KMT2D: variants seen among roughly 807,000 people sequenced by gnomAD.
The protein encoded by KMT2D is histone-lysine N-methyltransferase 2D.
KMT2D carries 55 observed loss-of-function variants against 512.7 expected under a neutral mutation model. The ratio of observed to expected loss-of-function variants is 0.11; its 90% CI spans 0.09 to 0.13. The LOEUF (loss-of-function observed/expected upper bound fraction) is 0.13, where lower values mean the gene tolerates loss of function less well. Ranked by LOEUF, KMT2D falls within the 10% of genes least tolerant of loss-of-function variation. The pLI is 1.00. For missense variants in KMT2D, 6,061 were observed against 7,127.9 expected, an observed-to-expected ratio of 0.85 and a Z score of 5.39; for synonymous variants, 2,995 against 2,904.0, an observed-to-expected ratio of 1.03 and a Z score of -1.01.
intron 1 of KMT2D, among the ~76,000 whole-genome samples, chr12:49,058,376 T>TA (rs1289398998): frequency 6.6e-6 from 1 of 152,180 alleles, no homozygotes; most frequent in Non-Finnish European, 1.5e-5. Flanking sequence ...CAGAAATCTT[T>TA]AAAAGGCAAA....
At position 49,039,703 on chromosome 12, in the gene KMT2D, A is replaced by G; in HGVS notation, c.8046+21T>C. On this transcript the variant is annotated intron_variant, in intron 32 of 54. Coordinates refer to ENST00000301067, the MANE Select transcript of KMT2D (RefSeq NM_003482.4). The surrounding 1 kb of genome is among the most constrained non-coding windows in gnomAD (Gnocchi z 5.0). ...GAGACAGGAGCGATATAGGGGGCTT[A>G]GCTCCAGGGTGTCAACTTACCTGCC... The G allele has an allele frequency of 6.2e-7, 1 of 1,608,750 alleles. No homozygotes were observed.
Position 49,051,034 on chromosome 12 carries a change from G to T in KMT2D, c.2649C>A (p.Phe883Leu), listed in dbSNP as rs764325178. The T allele has an allele frequency of 6.4e-7, 1 of 1,551,990 alleles. No homozygotes were observed. Among genetic ancestry groups the T allele is most frequent in the Non-Finnish European group, 8.7e-7 (1 of 1,151,588 alleles). ...ATAAGGATGGTTCCCCAGGGGGAGG[G>T]AACAAGGGCAGCTCCTCAGGTGCAG... is the stretch of plus-strand genomic sequence containing the variant. ...QCPAPEELPL[F>L]PPPGEPSLSP... Residue 883 changes from phenylalanine (F) to leucine (L), a missense_variant, in exon 11 of 55, where the codon TTC becomes TTA. Phe to Leu is a conservative substitution (Grantham distance 22, BLOSUM62 0). Transcript: ENST00000301067.
Position 49,026,506 on chromosome 12 carries a change from G to T in KMT2D, c.15460C>A (p.Arg5154=), listed in dbSNP as rs768551828. The stretch of plus-strand genomic sequence containing the variant: ...ACCTCGTCCCGCTCAATGTAGACCC[G>T]CCGGAAGACAGCAAAAGAGCTCAGC... The part of the protein sequence containing the change: ...QELSSFAVFR[R]VYIERDEVKQ... Residue 5154 remains arginine (R), a synonymous_variant, in exon 49 of 55, where the codon CGG becomes AGG. Coordinates refer to ENST00000301067, the MANE Select transcript of KMT2D (RefSeq NM_003482.4). This position sits in a 1 kb window ranked among gnomAD's most constrained non-coding sequence, Gnocchi z 9.6. 3 of 1,613,874 alleles carry T rather than the reference G, an allele frequency of 1.9e-6. No individual in the cohort carries two copies. The East Asian group carries it at 6.7e-5, about 36-fold the overall frequency.
rs1942583179 is a variant in KMT2D, at chr12:49,026,273, A to T, written c.15693T>A (p.Ser5231=). 6.2e-7 allele frequency: 1 copy of T among 1,611,086 alleles called. No individual in the cohort carries two copies. Among genetic ancestry groups the T allele is most frequent in the Non-Finnish European group, 8.5e-7 (1 of 1,177,378 alleles). Residue 5231 remains serine, a synonymous_variant, in exon 49 of 55, where the codon TCT becomes TCA. Transcript: ENST00000301067. The surrounding 1 kb of genome is among the most constrained non-coding windows in gnomAD (Gnocchi z 9.6). ...CCGGCCGCCCGTTGTTCTCACCAATAGAACAGCGATAGCAGCAGCGACGAT... is the reference window on the plus strand; with the variant it reads ...CCGGCCGCCCGTTGTTCTCACCAATTGAACAGCGATAGCAGCAGCGACGAT... The part of the protein sequence containing the change: ...TNNRRCCYRC[S]IGENNGRPEF...
rs1938313794 is a variant in KMT2D, at chr12:49,054,880, T to C, written c.176+20A>G. 1 of 1,610,380 alleles carries C rather than the reference T, an allele frequency of 6.2e-7. No individual in the cohort carries two copies. The highest frequency in any genetic ancestry group is 8.5e-7 in the Non-Finnish European group (1 of 1,177,254). ...AAAGCCCTAGACTCTCAAATCCTCA[T>C]GTGCCCTCAAACAAGCTACCTGCAG... is the stretch of plus-strand genomic sequence containing the variant. On this transcript the variant is annotated intron_variant, in intron 3 of 54. Transcript: ENST00000301067. This position sits in a 1 kb window ranked among gnomAD's most constrained non-coding sequence, Gnocchi z 6.4.
At position 49,054,826 on chromosome 12, in the gene KMT2D, A is replaced by G. The variant is rs886612677; in HGVS notation, c.176+74T>C. The G allele has an allele frequency of 6.2e-7, 1 of 1,604,308 alleles. No homozygotes were observed. On this transcript the variant is annotated intron_variant, in intron 3 of 54. Transcript: ENST00000301067. This position sits in a 1 kb window ranked among gnomAD's most constrained non-coding sequence, Gnocchi z 6.4. ...GATCTGGCATGCCCATGCTTCCCCAACACTCATTTTCCTAAATTCTCTTCC... is the reference window on the plus strand; with the variant it reads ...GATCTGGCATGCCCATGCTTCCCCAGCACTCATTTTCCTAAATTCTCTTCC...
intron 25 of KMT2D, 71 bp downstream of exon 25, chr12:49,043,292 C>T (rs1943623661): frequency 1.3e-6 from 2 of 1,564,448 alleles, no homozygotes; most frequent in African/African-American, 1.4e-5. Context: ...ACTGACAATG[C>T]TCAGGGGCAC....
At chr12:49,023,856 G>A (rs1007934625) in intron 51 of KMT2D, among the ~76,000 whole-genome samples, 2 of 152,198 alleles carry the variant, frequency 1.3e-5, no homozygotes, top group Non-Finnish European at 2.9e-5. Flanking sequence ...AAAGACCTTC[G>A]AGAAAGCCCT....
rs751373574 is a variant in KMT2D at position 49,052,099 on chromosome 12, T to C, written c.1584A>G (p.Pro528=). 2 of 1,604,970 alleles carry C rather than the reference T, an allele frequency of 1.2e-6. No homozygotes were observed. Among genetic ancestry groups the C allele is most frequent in the African/African-American group, 1.4e-5 (1 of 71,240 alleles). ...ATAGAGGCGTCTCAAGTGCAGGAGA[T>C]GGGGGTGACTCTTCCGGTGGAGACA... The part of the protein sequence containing the change: ...SPLSPPEESP[P]SPALETPLSP... Residue 528 remains proline (P), a synonymous_variant, in exon 11 of 55, where the codon CCA becomes CCG. Coordinates refer to ENST00000301067, the MANE Select transcript of KMT2D (RefSeq NM_003482.4).
At chr12:49,049,258 G>A (rs2120633342) in intron 12 of KMT2D, 40 bp from the exon 13 acceptor site, 1 of 1,310,172 alleles carries the variant, frequency 7.6e-7, no homozygotes, top group Non-Finnish European at 1.1e-6. Flanking sequence ...GCATGTCAAG[G>A]GCTAGTGTGT....
chr12:49,051,884 A>C lies in KMT2D; in HGVS notation c.1799T>G (p.Phe600Cys), dbSNP rs1287385233. 6.3e-7 allele frequency: 1 copy of C among 1,588,616 alleles called. No homozygotes were observed. The highest frequency in any genetic ancestry group is 8.5e-7 in the Non-Finnish European group (1 of 1,171,692). Reference sequence around the variant, plus strand: ...CAGAGGAGACTCTTCAAATGGTGGGAACAGACGAGATGCCTCCGGTGGTGG... The same window carrying C: ...CAGAGGAGACTCTTCAAATGGTGGGCACAGACGAGATGCCTCCGGTGGTGG... ...MSPPPEASRLFPPFEESPLSP... is the reference protein window; with the variant it reads ...MSPPPEASRLCPPFEESPLSP... Residue 600 changes from phenylalanine to cysteine, a missense_variant, in exon 11 of 55, where the codon TTC becomes TGC. Phe to Cys is a radical substitution (Grantham distance 205). Transcript: ENST00000301067.
chr12:49,055,961 C>T (rs896706046), intron 1 of KMT2D, among the ~76,000 whole-genome samples: 1 of 152,188 alleles, frequency 6.6e-6, no homozygotes, highest in Non-Finnish European at 1.5e-5. Flanking sequence ...GAAGAAACTC[C>T]CTAATTTCCA....
chr12:49,033,713 T>C lies in KMT2D; in HGVS notation c.10992A>G (p.Leu3664=). ...GLRLTPGGMA[L]PGQPGGPFLN... ...GGAAGGGGCCACCAGGCTGTCCAGG[T>C]AGTGCCATACCCCCAGGGGTCAGGC... The change falls in exon 40 of 55, where the codon CTA becomes CTG. Residue 3664 remains leucine (L), a synonymous_variant. Transcript: ENST00000301067. 2 of 1,613,506 alleles carry C rather than the reference T, an allele frequency of 1.2e-6. No individual in the cohort carries two copies. Among genetic ancestry groups the C allele is most frequent in the Non-Finnish European group, 8.5e-7 (1 of 1,179,842 alleles).
In KMT2D at chr12:49,041,832, G is replaced by A; in HGVS notation, c.6183+85C>T. 6.6e-7 allele frequency: 1 copy of A among 1,518,854 alleles called. No homozygotes were observed. The highest frequency in any genetic ancestry group is 9.0e-7 in the Non-Finnish European group (1 of 1,115,140). 94.1% of individuals were successfully genotyped at this position (1,518,854 alleles called of 1,614,324 possible). A position where few individuals can be genotyped will look rare whatever the true frequency, so the allele number is the denominator to read the frequency against. On this transcript the variant is annotated intron_variant, in intron 30 of 54. Transcript: ENST00000301067. This position sits in a 1 kb window ranked among gnomAD's most constrained non-coding sequence, Gnocchi z 5.4. Reference sequence around the variant, plus strand: ...CTGGCCCAGCTGCTTTAGGAGTGGGGAGCGGAAAGAACTGAGGTAAATTAC... The same window carrying A: ...CTGGCCCAGCTGCTTTAGGAGTGGGAAGCGGAAAGAACTGAGGTAAATTAC...
In KMT2D at chr12:49,043,937, C is replaced by T. The variant is rs781005056; in HGVS notation, c.5250G>A (p.Glu1750=). The part of the protein sequence containing the change: ...AVEQSLAEGD[E]KKKQQRRGRK... Reference sequence around the variant, plus strand: ...GCCCTCGCCGCTGTTGCTTCTTCTTCTCATCCCCTTCAGCTAAGCTCTGCT... The same window carrying T: ...GCCCTCGCCGCTGTTGCTTCTTCTTTTCATCCCCTTCAGCTAAGCTCTGCT... Residue 1750 remains glutamate, a synonymous_variant, in exon 23 of 55, where the codon GAG becomes GAA. Transcript: ENST00000301067. The T allele has an allele frequency of 1.9e-6, 3 of 1,614,084 alleles. No homozygotes were observed. Among genetic ancestry groups the T allele is most frequent in the Non-Finnish European group, 2.5e-6 (3 of 1,179,902 alleles).
In KMT2D at chr12:49,037,794, T is replaced by C. The variant is rs768113078; in HGVS notation, c.9562A>G (p.Thr3188Ala). ...HTAEKASFGA[T>A]GGPPAHLLTP... is the part of the protein sequence containing the mutation. ...AGCAGGTGAGCTGGTGGTCCTCCCG[T>C]GGCCCCAAAGGAGGCCTTCTCAGCT... Residue 3188 changes from threonine (T) to alanine (A), a missense_variant, in exon 35 of 55, where the codon ACG (threonine) becomes GCG (alanine). Thr to Ala is a moderately conservative substitution (Grantham distance 58). Around this residue, in one of 16 missense-constraint regions of KMT2D, gnomAD observed 533 missense variants for 539.6 expected, o/e 0.99. Coordinates refer to ENST00000301067, the MANE Select transcript of KMT2D (RefSeq NM_003482.4). The C allele has an allele frequency of 1.3e-6, 2 of 1,597,202 alleles. No individual in the cohort carries two copies. The highest frequency in any genetic ancestry group is 1.7e-5 in the Admixed American group (1 of 57,610).
In KMT2D at chr12:49,024,736, G is replaced by A. The variant is rs1410234193; in HGVS notation, c.15922-28C>T. The A allele has an allele frequency of 6.2e-7, 1 of 1,610,032 alleles. No homozygotes were observed. The highest frequency in any genetic ancestry group is 8.5e-7 in the Non-Finnish European group (1 of 1,177,034). On this transcript the variant is annotated intron_variant, in intron 50 of 54. Coordinates refer to ENST00000301067, the MANE Select transcript of KMT2D (RefSeq NM_003482.4). The surrounding 1 kb of genome is among the most constrained non-coding windows in gnomAD (Gnocchi z 4.5). ...GTGGGCACAGTTCATACTCACCTTAGCCTGAGTTTTTTTGGGGTTAGGCCA... is the reference window on the plus strand; with the variant it reads ...GTGGGCACAGTTCATACTCACCTTAACCTGAGTTTTTTTGGGGTTAGGCCA...
rs1323080568 is a variant in KMT2D at position 49,044,022 on chromosome 12, G to A, written c.5189-24C>T. ...CACTGTGGACAGAACGGAAGTGTCA[G>A]ACTCGGGTTGAGAGCATGCTGCTCC... On this transcript the variant is annotated intron_variant, in intron 22 of 54. Coordinates refer to ENST00000301067, the MANE Select transcript of KMT2D (RefSeq NM_003482.4). This position sits in a 1 kb window ranked among gnomAD's most constrained non-coding sequence, Gnocchi z 6.4. 6.2e-7 allele frequency: 1 copy of A among 1,612,938 alleles called. No homozygotes were observed. The highest frequency in any genetic ancestry group is 1.7e-4 in the Middle Eastern group (1 of 5,974).
At position 49,053,263 on chromosome 12, in the gene KMT2D, T is replaced by C. The variant is rs1326561189; in HGVS notation, c.898A>G (p.Thr300Ala). The C allele has an allele frequency of 7.4e-6, 12 of 1,614,002 alleles. No individual in the cohort carries two copies. The highest frequency in any genetic ancestry group is 1.0e-5 in the Non-Finnish European group (12 of 1,179,876). Residue 300 changes from threonine (T) to alanine (A), a missense_variant, in exon 8 of 55, where the codon ACT becomes GCT. Physicochemically the swap from Thr to Ala is moderately conservative, Grantham distance 58 (BLOSUM62 0). Transcript: ENST00000301067. ...VCETCDKGYH[T>A]FCLKPPMEEL... Reference sequence around the variant, plus strand: ...TCCATGGGTGGTTTTAGGCAGAAAGTATGGTATCCTTTGTCACACGTCTCA... The same window carrying C: ...TCCATGGGTGGTTTTAGGCAGAAAGCATGGTATCCTTTGTCACACGTCTCA...
Sources: gnomAD v4.1 joint callset for allele counts (sites outside exome capture counted in the v4.1 genomes callset) on GRCh38, gnomAD v4.1.1 for gene constraint, gnomAD v4.1.1 regional missense constraint, Gnocchi (gnomAD v3.1) non-coding constraint, MANE v1.5 for transcripts, NCBI Gene and HGNC (gene_info 2026-07-23, HGNC 2026-07-21) for gene names.